The following NCKAP5 variants were observed in gnomAD, a reference collection of about 807,000 sequenced individuals.
The protein encoded by NCKAP5 is NCK associated protein 5.
A neutral mutation model predicts 167.0 loss-of-function variants in NCKAP5; 92 were observed. The ratio of observed to expected loss-of-function variants is 0.55; its 90% CI spans 0.47 to 0.66. The LOEUF (loss-of-function observed/expected upper bound fraction) is 0.66, where lower values mean the gene tolerates loss of function less well. NCKAP5 is among the 30% of genes least tolerant of loss of function. NCKAP5 has a pLI of 0.00. For synonymous variants in NCKAP5, 891 were observed against 877.4 expected, an observed-to-expected ratio of 1.02 and a Z score of -0.27; for missense variants, 2,378 against 2,315.0, an observed-to-expected ratio of 1.03 and a Z score of -0.56.
At chr2:133,001,966 T>C (rs529934245) in intron 6 of NCKAP5, among the ~76,000 whole-genome samples, 1 of 152,332 alleles carries the variant, frequency 6.6e-6, no homozygotes, top group South Asian at 2.1e-4. Flanking sequence ...GTATTAAAAG[T>C]AATCTTGAGA....
At chr2:133,458,161 C>A (rs966957710) in intron 3 of NCKAP5, among the ~76,000 whole-genome samples, 5 of 152,152 alleles carry the variant, frequency 3.3e-5, no homozygotes, top group African/African-American at 9.7e-5. Flanking sequence ...TGGGTCCATC[C>A]ATTGTCACTG....
chr2:133,580,751 G>T, the NCKAP5 span, among the ~76,000 whole-genome samples: 1 of 152,154 alleles, frequency 6.6e-6, no homozygotes, highest in Non-Finnish European at 1.5e-5. Flanking sequence ...TGCATTTGTG[G>T]ACAGACTTTG....
At chr2:133,317,839 A>G (rs1023636301) in intron 3 of NCKAP5, among the ~76,000 whole-genome samples, 4 of 152,208 alleles carry the variant, frequency 2.6e-5, no homozygotes, top group African/African-American at 9.7e-5. Context: ...TCTGGCTGGC[A>G]ATCCTCATTT....
chr2:132,954,256 G>A (rs1052891577), intron 8 of NCKAP5, among the ~76,000 whole-genome samples: 3 of 152,132 alleles, frequency 2.0e-5, no homozygotes, highest in African/African-American at 7.2e-5. Context: ...TGTTTCAGCA[G>A]CCCACGGACC....
chr2:133,352,228 T>G (rs1322652612), intron 3 of NCKAP5, among the ~76,000 whole-genome samples: 2 of 152,188 alleles, frequency 1.3e-5, no homozygotes, highest in Non-Finnish European at 2.9e-5. Context: ...CATTACCTTC[T>G]ATACATTTTC....
chr2:133,419,105 T>C (rs1209682528), intron 3 of NCKAP5, among the ~76,000 whole-genome samples: 1 of 152,242 alleles, frequency 6.6e-6, no homozygotes, highest in Non-Finnish European at 1.5e-5. Context: ...TCTGTTCTTC[T>C]GTCCCTAATG....
intron 9 of NCKAP5, among the ~76,000 whole-genome samples, chr2:132,875,837 G>A (rs1316015602): frequency 6.6e-6 from 1 of 152,204 alleles, no homozygotes; most frequent in East Asian, 1.9e-4. Context: ...TGAGGATGAA[G>A]TGTATGCAGG....
chr2:133,540,579 T>C (rs944409479), intron 2 of NCKAP5, among the ~76,000 whole-genome samples: 1 of 152,056 alleles, frequency 6.6e-6, no homozygotes, highest in Non-Finnish European at 1.5e-5. Flanking sequence ...ATATAGGAGA[T>C]TGCAGTAAGC....
At chr2:133,126,991 C>A (rs971213622) in intron 6 of NCKAP5, among the ~76,000 whole-genome samples, 4 of 151,976 alleles carry the variant, frequency 2.6e-5, no homozygotes, top group African/African-American at 9.7e-5. Flanking sequence ...AGCCCATGAA[C>A]AATGTTCAAA....
At chr2:133,593,628 A>G in the NCKAP5 span, among the ~76,000 whole-genome samples, 1 of 152,208 alleles carries the variant, frequency 6.6e-6, no homozygotes, top group African/African-American at 2.4e-5. Context: ...AGAGCCATCT[A>G]GTTCAGTTGG....
At chr2:132,719,794 G>A (rs897218602) in intron 19 of NCKAP5, among the ~76,000 whole-genome samples, 3 of 152,198 alleles carry the variant, frequency 2.0e-5, no homozygotes, top group Non-Finnish European at 2.9e-5. Flanking sequence ...GGAGAGTCCA[G>A]GGCGACTCCT....
chr2:132,862,721 C>T (rs1402809287), intron 10 of NCKAP5, among the ~76,000 whole-genome samples: 3 of 150,300 alleles, frequency 2.0e-5, no homozygotes, highest in African/African-American at 7.4e-5. Flanking sequence ...GATCGTGCCA[C>T]TGCTTTCCAG....
At chr2:133,510,705 G>A (rs1362654614) in intron 3 of NCKAP5, among the ~76,000 whole-genome samples, 2 of 152,316 alleles carry the variant, frequency 1.3e-5, no homozygotes, top group African/African-American at 2.4e-5. Flanking sequence ...GTGAAGCACC[G>A]TGAAGGAGCT....
At chr2:132,701,438 A>G (rs1415681071) in intron 19 of NCKAP5, among the ~76,000 whole-genome samples, 2 of 152,234 alleles carry the variant, frequency 1.3e-5, no homozygotes, top group Non-Finnish European at 1.5e-5. Flanking sequence ...TAAAACCCAG[A>G]GAAGATGTCT....
intron 8 of NCKAP5, among the ~76,000 whole-genome samples, chr2:132,884,492 G>A (rs900944727): frequency 7.9e-5 from 12 of 152,198 alleles, no homozygotes; most frequent in Non-Finnish European, 1.5e-4. Flanking sequence ...GCCATCTTGA[G>A]TAACTTTTAG....
intron 5 of NCKAP5, among the ~76,000 whole-genome samples, chr2:133,196,993 A>G (rs187181166): frequency 3.6e-4 from 55 of 152,286 alleles, no homozygotes; most frequent in Admixed American, 3.3e-3. Context: ...ACAAATTCCT[A>G]ATACCTTTTT....
At chr2:132,751,055 A>G (rs1680067486) in intron 16 of NCKAP5, among the ~76,000 whole-genome samples, 1 of 152,132 alleles carries the variant, frequency 6.6e-6, no homozygotes, top group Non-Finnish European at 1.5e-5. Context: ...TTGTTTCAGA[A>G]GAAGTCCTCT....
chr2:132,830,168 T>G (rs952835368), intron 11 of NCKAP5, among the ~76,000 whole-genome samples: 3 of 152,204 alleles, frequency 2.0e-5, no homozygotes, highest in Admixed American at 1.3e-4. Flanking sequence ...CTCTAAGGCC[T>G]TATTGAAAAC....
chr2:133,058,647 G>A (rs1421214155), intron 6 of NCKAP5, among the ~76,000 whole-genome samples: 1 of 152,156 alleles, frequency 6.6e-6, no homozygotes, highest in African/African-American at 2.4e-5. Context: ...GATGAAAAAA[G>A]AAAGTAGCTT....
Sources: gnomAD v4.1 joint callset for allele counts (sites outside exome capture counted in the v4.1 genomes callset) on GRCh38, gnomAD v4.1.1 for gene constraint, MANE v1.5 for transcripts, NCBI Gene and HGNC (gene_info 2026-07-23, HGNC 2026-07-21) for gene names.